The following AUTS2 variants were observed in gnomAD, a reference collection of about 807,000 sequenced individuals.
AUTS2 encodes activator of transcription and developmental regulator AUTS2.
A neutral mutation model predicts 112.4 loss-of-function variants in AUTS2; 17 were observed. That is an observed-to-expected ratio of 0.15 (90% CI 0.10 to 0.23). The LOEUF is 0.23. AUTS2 is among the 10% of genes least tolerant of loss of function. The probability of loss-of-function intolerance (pLI) is 1.00; values close to 1 mark genes in which losing one functional copy is unlikely to be tolerated. For synonymous variants in AUTS2, 751 were observed against 702.7 expected (o/e 1.07, Z -1.09); for missense variants, 1,510 against 1,701.6 (o/e 0.89, Z 1.98).
At chr7:69,755,997 T>C (rs1191899162) in intron 1 of AUTS2, among the ~76,000 whole-genome samples, 1 of 152,202 alleles carries the variant, frequency 6.6e-6, no homozygotes, top group African/African-American at 2.4e-5. Context: ...GACGATACTT[T>C]TCCTAACCCC....
chr7:70,112,723 CT>C (rs1163379125), intron 2 of AUTS2, among the ~76,000 whole-genome samples: 7 of 151,906 alleles, frequency 4.6e-5, no homozygotes, highest in Admixed American at 1.3e-4. Flanking sequence ...TTCCCTCTCT[CT>C]TTTTTTAAAT....
intron 1 of AUTS2, among the ~76,000 whole-genome samples, chr7:69,714,269 G>T (rs1336651031): frequency 1.3e-5 from 2 of 151,176 alleles, no homozygotes; most frequent in Admixed American, 1.3e-4. Flanking sequence ...GTGTGTGTGT[G>T]TGTGTGTGTG....
chr7:70,046,932 C>T (rs1451596260), intron 2 of AUTS2, among the ~76,000 whole-genome samples: 1 of 152,142 alleles, frequency 6.6e-6, no homozygotes, highest in Non-Finnish European at 1.5e-5. Flanking sequence ...TTTAATAAGT[C>T]ATTCCATTGT....
intron 4 of AUTS2, among the ~76,000 whole-genome samples, chr7:70,423,050 G>A (rs1037863082): frequency 3.3e-5 from 5 of 152,180 alleles, no homozygotes; most frequent in Non-Finnish European, 7.3e-5. Context: ...AACAGTGTTG[G>A]AGGTGCTAGA....
At chr7:70,106,216 C>CTT (rs1309030172) in intron 2 of AUTS2, among the ~76,000 whole-genome samples, 1 of 152,176 alleles carries the variant, frequency 6.6e-6, no homozygotes, top group African/African-American at 2.4e-5. Flanking sequence ...CCTTGAGTCT[C>CTT]TAATTCAGGT....
At chr7:69,769,372 TTGAC>T (rs1788563912) in intron 1 of AUTS2, among the ~76,000 whole-genome samples, 1 of 152,208 alleles carries the variant, frequency 6.6e-6, no homozygotes, top group Non-Finnish European at 1.5e-5. Context: ...AAGAAAGAAA[TTGAC>T]TGCCTTCCAA....
At chr7:69,685,106 C>T (rs1387304532) in intron 1 of AUTS2, among the ~76,000 whole-genome samples, 1 of 152,180 alleles carries the variant, frequency 6.6e-6, no homozygotes, top group African/African-American at 2.4e-5. Context: ...AAGGGAGGGC[C>T]TCTGTGCTGT....
chr7:70,449,860 AT>A (rs1175038854), intron 5 of AUTS2, among the ~76,000 whole-genome samples: 1 of 152,188 alleles, frequency 6.6e-6, no homozygotes, highest in Non-Finnish European at 1.5e-5. Flanking sequence ...ATTTATTAAT[AT>A]TTTAAGTACA....
intron 2 of AUTS2, among the ~76,000 whole-genome samples, chr7:70,042,864 A>G (rs1195721312): frequency 6.6e-6 from 1 of 152,158 alleles, no homozygotes; most frequent in Non-Finnish European, 1.5e-5. Context: ...ATAGAAACCT[A>G]CATGCTTCTT....
intron 1 of AUTS2, among the ~76,000 whole-genome samples, chr7:69,884,447 T>C (rs528139707): frequency 5.3e-5 from 8 of 152,328 alleles, no homozygotes; most frequent in African/African-American, 9.6e-5. Flanking sequence ...TCAGAGAACA[T>C]TTAATTCAGT....
intron 5 of AUTS2, among the ~76,000 whole-genome samples, chr7:70,438,728 C>A (rs928469715): frequency 2.0e-5 from 3 of 152,194 alleles, no homozygotes; most frequent in African/African-American, 4.8e-5. Context: ...CCTGTGCCCC[C>A]CTCGAAGCCC....
intron 4 of AUTS2, among the ~76,000 whole-genome samples, chr7:70,247,112 A>T (rs543289688): frequency 6.6e-6 from 1 of 152,246 alleles, no homozygotes; most frequent in African/African-American, 2.4e-5. Flanking sequence ...GGTAGAAATA[A>T]CTCACATATC....
chr7:70,391,296 A>C (rs150527952), intron 4 of AUTS2, among the ~76,000 whole-genome samples: 177 of 152,298 alleles, frequency 1.2e-3, no homozygotes, highest in African/African-American at 4.1e-3. Context: ...TGGTGAGAAT[A>C]TTGAGGCCAT....
chr7:70,705,475 G>A (rs960564098), intron 6 of AUTS2, among the ~76,000 whole-genome samples: 11 of 152,096 alleles, frequency 7.2e-5, no homozygotes, highest in African/African-American at 2.7e-4. Context: ...CTTTTATTTA[G>A]CCCGGAGCTA....
At chr7:69,632,378 G>A (rs950273333) in intron 1 of AUTS2, among the ~76,000 whole-genome samples, 2 of 152,064 alleles carry the variant, frequency 1.3e-5, no homozygotes, top group African/African-American at 2.4e-5. Flanking sequence ...ATGTTGATTG[G>A]GTACCCAAGA....
intron 6 of AUTS2, among the ~76,000 whole-genome samples, chr7:70,731,096 T>A (rs1563158049): frequency 6.6e-6 from 1 of 152,178 alleles, no homozygotes; most frequent in Non-Finnish European, 1.5e-5. Context: ...GGCTATTTGT[T>A]TTTTTATTGT....
chr7:70,060,210 A>G (rs551919074), intron 2 of AUTS2, among the ~76,000 whole-genome samples: 4 of 152,298 alleles, frequency 2.6e-5, no homozygotes, highest in Admixed American at 2.0e-4. Context: ...TTTCTTTGGT[A>G]TGCTTCATCT....
intron 4 of AUTS2, among the ~76,000 whole-genome samples, chr7:70,336,799 T>C (rs1791011123): frequency 6.6e-6 from 1 of 152,188 alleles, no homozygotes; most frequent in Admixed American, 6.5e-5. Context: ...TCTGATAACT[T>C]TTTTGTTAAT....
intron 2 of AUTS2, among the ~76,000 whole-genome samples, chr7:69,950,292 A>C (rs779394452): frequency 1.3e-5 from 2 of 152,120 alleles, no homozygotes; most frequent in African/African-American, 2.4e-5. Flanking sequence ...TTCAAAGCTA[A>C]ATTTTACCAA....
Sources: allele counts gnomAD v4.1 joint callset (sites outside exome capture counted in the v4.1 genomes callset), GRCh38; gene constraint gnomAD v4.1.1; transcripts MANE v1.5; gene names NCBI Gene and HGNC (gene_info 2026-07-23, HGNC 2026-07-21).